Variants in KLHL32 observed in about 807,000 individuals in gnomAD.
KLHL32 encodes kelch like family member 32, also known as kelch-like protein 32.
In KLHL32, 35 loss-of-function variants were observed where a neutral mutation model predicts 64.8. The observed-to-expected ratio is 0.54, with a 90% CI of 0.41 to 0.72. The LOEUF (loss-of-function observed/expected upper bound fraction) is 0.72, where lower values mean the gene tolerates loss of function less well. Ranked by LOEUF, KLHL32 falls within the 30% of genes least tolerant of loss-of-function variation. The probability of loss-of-function intolerance (pLI) is 0.00; values close to 1 mark genes in which losing one functional copy is unlikely to be tolerated. For synonymous variants in KLHL32, 259 were observed against 281.0 expected, an observed-to-expected ratio of 0.92 and a Z score of 0.78; for missense variants, 589 against 768.5, an observed-to-expected ratio of 0.77 and a Z score of 2.76.
At chr6:96,971,051 T>C (rs1420972034) in intron 2 of KLHL32, among the ~76,000 whole-genome samples, 1 of 152,178 alleles carries the variant, frequency 6.6e-6, no homozygotes. Context: ...CCAGCCTTTT[T>C]CTTTCTTGTG....
At chr6:97,042,315 T>C (rs1785248013) in intron 4 of KLHL32, among the ~76,000 whole-genome samples, 1 of 152,182 alleles carries the variant, frequency 6.6e-6, no homozygotes. Context: ...GGCAAATACA[T>C]GATTAAAATC....
intron 4 of KLHL32, among the ~76,000 whole-genome samples, chr6:97,061,342 C>T (rs1023306119): frequency 2.0e-5 from 3 of 151,724 alleles, no homozygotes; most frequent in Non-Finnish European, 4.4e-5. Context: ...CCCACTTCCC[C>T]CAGCCCGCCC....
chr6:97,113,682 T>C (rs1456410256), intron 6 of KLHL32, 101 bp from the exon 7 acceptor site: 1 of 1,409,198 alleles, frequency 7.1e-7, no homozygotes, highest in Non-Finnish European at 9.6e-7. Flanking sequence ...GTTTGTATTA[T>C]TACCTGCCTG....
intron 3 of KLHL32, among the ~76,000 whole-genome samples, chr6:97,007,386 C>A (rs1779797449): frequency 1.3e-5 from 2 of 152,130 alleles, no homozygotes; most frequent in African/African-American, 4.8e-5. Context: ...GCTCCTGTTT[C>A]ATTTTATTGT....
intron 1 of KLHL32, among the ~76,000 whole-genome samples, chr6:96,950,353 A>T (rs779579927): frequency 7.9e-5 from 12 of 152,132 alleles, no homozygotes; most frequent in Non-Finnish European, 5.9e-5. Context: ...CCCTGCCCCT[A>T]TAATTCATAG....
chr6:96,988,557 G>A (rs1777416279), intron 3 of KLHL32, among the ~76,000 whole-genome samples: 1 of 152,104 alleles, frequency 6.6e-6, no homozygotes, highest in African/African-American at 2.4e-5. Flanking sequence ...GATTCCTCAG[G>A]GATCTAGAAC....
chr6:97,042,576 T>C (rs1221506921), intron 4 of KLHL32, among the ~76,000 whole-genome samples: 1 of 151,800 alleles, frequency 6.6e-6, no homozygotes, highest in Non-Finnish European at 1.5e-5. Flanking sequence ...CAATGTGGAA[T>C]GATTAAATCA....
At chr6:97,000,882 G>A (rs922179559) in intron 3 of KLHL32, among the ~76,000 whole-genome samples, 10 of 152,182 alleles carry the variant, frequency 6.6e-5, no homozygotes, top group African/African-American at 2.4e-4. Context: ...CCATGAAAAT[G>A]CATGGGTGAA....
In KLHL32 at chr6:96,976,193, T is replaced by C; in HGVS notation, c.204+16T>C. ...CTATTTCCGGGTAAGTCAGCATTGT[T>C]TGTTTCTCGTAAAATATTGATAAAG... On this transcript the variant is annotated intron_variant, in intron 3 of 10. Transcript: ENST00000369261. The C allele has an allele frequency of 6.6e-7, 1 of 1,520,354 alleles. No homozygotes were observed. Among genetic ancestry groups the C allele is most frequent in the South Asian group, 1.3e-5 (1 of 79,064 alleles). The allele number at this position is 1,520,354 out of a possible 1,614,324, so 94.2% of individuals were successfully genotyped here.
At chr6:96,930,162 T>C (rs1290265738) in intron 1 of KLHL32, among the ~76,000 whole-genome samples, 3 of 152,178 alleles carry the variant, frequency 2.0e-5, no homozygotes, top group Non-Finnish European at 2.9e-5. Context: ...TGAGAACATA[T>C]TTGATGCTAA....
At chr6:97,138,549 A>C (rs1382767879) in intron 10 of KLHL32, among the ~76,000 whole-genome samples, 6 of 150,630 alleles carry the variant, frequency 4.0e-5, no homozygotes, top group Non-Finnish European at 7.4e-5. Flanking sequence ...ACAAAAACAA[A>C]AACAACAAAA....
chr6:97,090,399 A>G (rs1469800692), intron 6 of KLHL32, among the ~76,000 whole-genome samples: 1 of 152,138 alleles, frequency 6.6e-6, no homozygotes, highest in African/African-American at 2.4e-5. Flanking sequence ...TTAGTCAACA[A>G]TCTCAAATGC....
At chr6:96,951,350 A>G (rs1384394607) in intron 1 of KLHL32, among the ~76,000 whole-genome samples, 3 of 152,306 alleles carry the variant, frequency 2.0e-5, no homozygotes, top group Middle Eastern at 6.8e-3. Flanking sequence ...GTCTGTGGCT[A>G]GAAGTTGGGT....
chr6:97,114,764 T>A (rs1797642479), intron 7 of KLHL32, among the ~76,000 whole-genome samples: 1 of 152,170 alleles, frequency 6.6e-6, no homozygotes, highest in Non-Finnish European at 1.5e-5. Context: ...ATCACAACTG[T>A]TTTTTTCCTA....
At chr6:97,061,271 C>T (rs567484672) in intron 4 of KLHL32, among the ~76,000 whole-genome samples, 112 of 152,294 alleles carry the variant, frequency 7.4e-4, no homozygotes, top group South Asian at 2.7e-3. Context: ...AGCAGGTGAG[C>T]GTCACTGGGG....
chr6:97,051,972 G>A (rs1169568660), intron 4 of KLHL32, among the ~76,000 whole-genome samples: 3 of 152,074 alleles, frequency 2.0e-5, no homozygotes, highest in Non-Finnish European at 4.4e-5. Flanking sequence ...TATTCATCTG[G>A]CTTGGTGGTT....
Position 97,041,556 on chromosome 6 carries a change from G to C in KLHL32, c.269G>C (p.Ser90Thr). 6.2e-7 allele frequency: 1 copy of C among 1,613,908 alleles called. No individual in the cohort carries two copies. Among genetic ancestry groups the C allele is most frequent in the South Asian group, 1.1e-5 (1 of 91,076 alleles). Residue 90 changes from serine to threonine, a missense_variant, in exon 4 of 11, where the codon AGC becomes ACC. By Grantham distance (58) the Ser-to-Thr change is moderately conservative. Coordinates refer to ENST00000369261, the MANE Select transcript of KLHL32 (RefSeq NM_052904.4). ...ADEVNLHGVT[S>T]LGLKQALEFA... ...GAGGTTAATTTGCACGGTGTGACCA[G>C]CCTTGGCTTAAAGCAGGCTCTGGAG...
Position 97,107,643 on chromosome 6 carries a change from G to A in KLHL32, c.628-6140G>A, listed in dbSNP as rs117475588. ...AAGTGGCCAACACCAAACATGTGAG[G>A]GAAGAAAACAAGGGCTTATGAATCT... On this transcript the variant is annotated intron_variant, in intron 6 of 10. Coordinates refer to ENST00000369261, the MANE Select transcript of KLHL32 (RefSeq NM_052904.4). Among the ~76,000 whole-genome samples, 246 of 152,292 alleles carry A rather than the reference G, an allele frequency of 1.6e-3. 1 individual carries two copies. Among genetic ancestry groups the A allele is most frequent in the Admixed American group, 2.3e-3 (35 of 15,294 alleles).
At chr6:96,975,393 T>C (rs1775580495) in intron 2 of KLHL32, among the ~76,000 whole-genome samples, 1 of 152,246 alleles carries the variant, frequency 6.6e-6, no homozygotes, top group South Asian at 2.1e-4. Flanking sequence ...GATGTTCTTA[T>C]GGTGCACAAT....
Sources: allele counts gnomAD v4.1 joint callset (sites outside exome capture counted in the v4.1 genomes callset), GRCh38; gene constraint gnomAD v4.1.1; transcripts MANE v1.5; gene names NCBI Gene and HGNC (gene_info 2026-07-23, HGNC 2026-07-21).